The following PCDH15 variants were observed in gnomAD, a reference collection of about 807,000 sequenced individuals.
PCDH15 encodes protocadherin related 15.
Under a neutral mutation model 178.5 loss-of-function variants are expected in PCDH15, and 129 were observed. The ratio of observed to expected loss-of-function variants is 0.72; its 90% CI spans 0.63 to 0.84. PCDH15 has a LOEUF of 0.84. PCDH15 is among the 40% of genes least tolerant of loss of function. PCDH15 has a pLI of 0.00. For missense variants in PCDH15, 2,230 were observed against 2,099.9 expected (o/e 1.06, Z -1.21); for synonymous variants, 800 against 732.0 (o/e 1.09, Z -1.50).
chr10:55,614,703 C>G (rs186900933), intron 2 of PCDH15, among the ~76,000 whole-genome samples: 2 of 152,168 alleles, frequency 1.3e-5, no homozygotes, highest in East Asian at 3.9e-4. Flanking sequence ...GTGGTTTGGT[C>G]ACTATTTGGG....
At chr10:54,612,248 T>C (rs905328520) in intron 2 of PCDH15, among the ~76,000 whole-genome samples, 1 of 151,818 alleles carries the variant, frequency 6.6e-6, no homozygotes, top group Non-Finnish European at 1.5e-5. Flanking sequence ...TGAGCACATT[T>C]TGTGCATAGT....
chr10:54,553,342 G>T (rs2086821987), intron 2 of PCDH15, among the ~76,000 whole-genome samples: 1 of 151,908 alleles, frequency 6.6e-6, no homozygotes, highest in South Asian at 2.1e-4. Context: ...GTGATGGTGG[G>T]GTCTAGGTAT....
chr10:55,074,460 TC>T (rs1591881342), intron 2 of PCDH15, among the ~76,000 whole-genome samples: 1 of 152,146 alleles, frequency 6.6e-6, no homozygotes, highest in African/African-American at 2.4e-5. Flanking sequence ...TCTCTAATGA[TC>T]AGTGATGTTG....
chr10:54,146,318 T>C (rs2043897296), intron 14 of PCDH15, among the ~76,000 whole-genome samples: 1 of 151,966 alleles, frequency 6.6e-6, no homozygotes, highest in Non-Finnish European at 1.5e-5. Flanking sequence ...ATGAAAAGAA[T>C]GGGAATTTAA....
At chr10:54,801,336 C>G (rs1294490441), upstream of PCDH15, 4 of 152,180 alleles carry the variant, frequency 2.6e-5, no homozygotes, top group Admixed American at 2.0e-4. Flanking sequence ...TCTTGCTTCT[C>G]GCAGCACATA....
chr10:54,622,733 T>C (rs1565778173), intron 2 of PCDH15, among the ~76,000 whole-genome samples: 2 of 35,896 alleles, frequency 5.6e-5, no homozygotes, highest in South Asian at 1.6e-3. Flanking sequence ...TATTATATAA[T>C]TATATATATA....
chr10:54,572,308 C>A (rs984842577), intron 2 of PCDH15, among the ~76,000 whole-genome samples: 10 of 152,018 alleles, frequency 6.6e-5, no homozygotes, highest in Admixed American at 5.9e-4. Context: ...TACATTCTAG[C>A]AGGTGTGCCA....
rs532539948 is a variant in PCDH15 at position 54,217,703 on chromosome 10, T to C, written c.986-3655A>G. Reference sequence around the variant, plus strand: ...ACAGAACTATATATAATGGCCAATATAGAAGCGATGAATATTTCTAATGTT... The same window carrying C: ...ACAGAACTATATATAATGGCCAATACAGAAGCGATGAATATTTCTAATGTT... On this transcript the variant is annotated intron_variant, in intron 9 of 37. Transcript: ENST00000644397. 1.9e-4 allele frequency among the ~76,000 whole-genome samples: 29 copies of C among 152,288 alleles called. 1 individual carries two copies. Among genetic ancestry groups the C allele is most frequent in the Non-Finnish European group, 3.2e-4 (22 of 68,024 alleles).
At chr10:55,238,863 GT>G (rs1157721506) in intron 1 of PCDH15, among the ~76,000 whole-genome samples, 1 of 151,998 alleles carries the variant, frequency 6.6e-6, no homozygotes, top group Non-Finnish European at 1.5e-5. Context: ...ACTTCTTTGT[GT>G]TAGGAACACA....
chr10:55,287,607 G>C (rs1842903179), intron 1 of PCDH15, among the ~76,000 whole-genome samples: 1 of 151,856 alleles, frequency 6.6e-6, no homozygotes, highest in African/African-American at 2.4e-5. Flanking sequence ...TATGCTAGAT[G>C]CTGCTCTCTC....
chr10:54,244,839 A>C (rs1264569102), intron 8 of PCDH15, among the ~76,000 whole-genome samples: 1 of 152,210 alleles, frequency 6.6e-6, no homozygotes, highest in African/African-American at 2.4e-5. Context: ...GGAAAGGAAG[A>C]AATTGAGCAG....
chr10:54,686,237 C>G (rs895377413), intron 1 of PCDH15, among the ~76,000 whole-genome samples: 3 of 151,468 alleles, frequency 2.0e-5, no homozygotes, highest in Non-Finnish European at 4.4e-5. Flanking sequence ...AAATCATCAG[C>G]TAATAACCAA....
At chr10:55,206,533 T>G (rs768516625) in intron 1 of PCDH15, among the ~76,000 whole-genome samples, 23 of 152,216 alleles carry the variant, frequency 1.5e-4, no homozygotes, top group Non-Finnish European at 2.8e-4. Context: ...GGCTTGGGAC[T>G]AAAGTAAAAA....
upstream of PCDH15, among the ~76,000 whole-genome samples, chr10:54,805,994 T>G (rs903513889): frequency 6.6e-5 from 10 of 152,156 alleles, no homozygotes; most frequent in African/African-American, 2.4e-4. Flanking sequence ...TAAAGTCAAA[T>G]TATTTGAATA....
At chr10:54,516,460 G>A (rs1484047632) in intron 3 of PCDH15, among the ~76,000 whole-genome samples, 7 of 152,066 alleles carry the variant, frequency 4.6e-5, no homozygotes, top group African/African-American at 1.2e-4. Flanking sequence ...AAGGGTATCA[G>A]TGATGGAAGA....
intron 2 of PCDH15, among the ~76,000 whole-genome samples, chr10:55,080,904 T>C (rs1842025423): frequency 6.6e-6 from 1 of 152,118 alleles, no homozygotes; most frequent in Non-Finnish European, 1.5e-5. Flanking sequence ...CCACTCCCAG[T>C]GGCAATAACT....
At chr10:54,900,208 C>T (rs577689268) in intron 2 of PCDH15, among the ~76,000 whole-genome samples, 2 of 152,238 alleles carry the variant, frequency 1.3e-5, no homozygotes, top group Admixed American at 6.5e-5. Context: ...AAGTCTTTTA[C>T]TTCGGCACTT....
intron 1 of PCDH15, among the ~76,000 whole-genome samples, chr10:54,683,111 G>A (rs1591030564): frequency 6.6e-6 from 1 of 152,058 alleles, no homozygotes; most frequent in East Asian, 1.9e-4. Context: ...AGTCATATTA[G>A]GCTTTGCTAT....
At position 55,399,548 on chromosome 10, in the gene PCDH15, T is replaced by G. The variant is rs16907347; in HGVS notation, c.-156+228077A>C. On this transcript the variant is annotated intron_variant, in intron 2 of 5. Coordinates refer to the PCDH15 transcript ENST00000613346. ...CTCCACATGACAAATTCTGCTTCAA[T>G]CCCTAGAAGGTGTGAGAATCAGAGC... 7.9e-3 allele frequency among the ~76,000 whole-genome samples: 1,205 copies of G among 152,192 alleles called. 14 individuals are homozygous for G. The highest frequency in any genetic ancestry group is 0.026 in the African/African-American group (1,083 of 41,534).
Sources: allele counts gnomAD v4.1 joint callset (sites outside exome capture counted in the v4.1 genomes callset), GRCh38; gene constraint gnomAD v4.1.1; transcripts MANE v1.5; gene names NCBI Gene and HGNC (gene_info 2026-07-23, HGNC 2026-07-21).